The following TYW1B variants were observed in gnomAD, a reference collection of about 807,000 sequenced individuals.
TYW1B encodes tRNA-yW synthesizing protein 1 homolog B.
In TYW1B, 73 loss-of-function variants were observed where a neutral mutation model predicts 86.9. The ratio of observed to expected loss-of-function variants is 0.84; its 90% confidence interval spans 0.70 to 1.02. TYW1B has a LOEUF of 1.02. TYW1B is among the 50% of genes least tolerant of loss of function. The pLI is 0.00. For synonymous variants in TYW1B, 248 were observed against 292.8 expected, an observed-to-expected ratio of 0.85 and a Z score of 1.56; for missense variants, 637 against 827.4, an observed-to-expected ratio of 0.77 and a Z score of 2.82.
chr7:72,781,141 T>C (rs1208764711), intron 6 of TYW1B, among the ~76,000 whole-genome samples: 3 of 152,100 alleles, frequency 2.0e-5, no homozygotes, highest in African/African-American at 4.8e-5. Flanking sequence ...TCAGTTGCCA[T>C]GAACCCCCAG....
At chr7:72,721,099 T>C (rs1343060735) in intron 9 of TYW1B, among the ~76,000 whole-genome samples, 3 of 152,196 alleles carry the variant, frequency 2.0e-5, no homozygotes, top group Non-Finnish European at 2.9e-5. Flanking sequence ...TGTGGCTGCA[T>C]AGTATTCCAT....
intron 13 of TYW1B, among the ~76,000 whole-genome samples, chr7:72,585,490 G>C (rs1239536910): frequency 6.6e-6 from 1 of 152,164 alleles, no homozygotes; most frequent in East Asian, 1.9e-4. Context: ...CCTTTATTAA[G>C]AAACTGCTTG....
intron 13 of TYW1B, among the ~76,000 whole-genome samples, chr7:72,600,232 TCATCTTTGACAAAGGA>T (rs1554433462): frequency 1.3e-5 from 2 of 152,198 alleles, no homozygotes; most frequent in East Asian, 3.8e-4. Flanking sequence ...TACAGTCAAC[TCATCTTTGACAAAGGA>T]GCAAAGGTAA....
intron 9 of TYW1B, among the ~76,000 whole-genome samples, chr7:72,719,375 A>C (rs1278344170): frequency 6.6e-6 from 1 of 151,968 alleles, no homozygotes; most frequent in Non-Finnish European, 1.5e-5. Flanking sequence ...TCACGCCTGT[A>C]ATCTCAGCAC....
chr7:72,591,560 G>A (rs1390203557), intron 13 of TYW1B, among the ~76,000 whole-genome samples: 6 of 152,126 alleles, frequency 3.9e-5, no homozygotes, highest in African/African-American at 2.4e-5. Context: ...GAAAAAAAAT[G>A]TCAACCAGGA....
intron 9 of TYW1B, among the ~76,000 whole-genome samples, chr7:72,719,626 G>A (rs1382109809): frequency 1.1e-4 from 9 of 84,564 alleles, no homozygotes; most frequent in East Asian, 5.8e-4. Flanking sequence ...GTGAGATTCC[G>A]TCTCCAAAAA....
chr7:72,703,647 G>C (rs1554453128), intron 10 of TYW1B, among the ~76,000 whole-genome samples: 1 of 151,830 alleles, frequency 6.6e-6, no homozygotes, highest in African/African-American at 2.4e-5. Flanking sequence ...CTGAGGTCAG[G>C]AGTTCGAGAC....
chr7:72,798,568 T>C (rs1788350190), intron 6 of TYW1B, among the ~76,000 whole-genome samples: 1 of 152,164 alleles, frequency 6.6e-6, no homozygotes, highest in African/African-American at 2.4e-5. Flanking sequence ...CTATGTATGC[T>C]GCAATGCATA....
chr7:72,743,000 G>A lies in TYW1B; in HGVS notation c.1082+1484C>T, dbSNP rs557325526. ...AATGTCTAGTCTGGGCCATTAGATG[G>A]CTAATAGTGCCATTACCCAAAACAG... is the stretch of plus-strand genomic sequence containing the variant. On this transcript the variant is annotated intron_variant, in intron 8 of 13. Transcript: ENST00000620995. Among the ~76,000 whole-genome samples, 5 of 152,272 alleles carry A rather than the reference G, an allele frequency of 3.3e-5. No homozygotes were observed. In the East Asian group the frequency reaches 9.6e-4, roughly 29 times the overall value.
chr7:72,814,164 C>T (rs540863512), intron 3 of TYW1B, among the ~76,000 whole-genome samples: 1 of 152,242 alleles, frequency 6.6e-6, no homozygotes, highest in African/African-American at 2.4e-5. Context: ...TCAATAACAA[C>T]CCTTCCTTGA....
chr7:72,741,274 G>A (rs1397272211), intron 8 of TYW1B, among the ~76,000 whole-genome samples: 1 of 152,096 alleles, frequency 6.6e-6, no homozygotes, highest in East Asian at 1.9e-4. Context: ...TCAATGAAGA[G>A]ATACAAATGA....
At chr7:72,725,496 G>A (rs1204678407) in intron 9 of TYW1B, among the ~76,000 whole-genome samples, 2 of 152,130 alleles carry the variant, frequency 1.3e-5, no homozygotes, top group African/African-American at 4.8e-5. Flanking sequence ...ATCTGTGATG[G>A]TTAATTTTAT....
intron 7 of TYW1B, among the ~76,000 whole-genome samples, chr7:72,749,636 T>A (rs184575816): frequency 1.2e-3 from 177 of 152,258 alleles, no homozygotes; most frequent in Non-Finnish European, 2.2e-3. Flanking sequence ...ATTGATATTT[T>A]CAAAGAACTA....
intron 11 of TYW1B, among the ~76,000 whole-genome samples, chr7:72,651,984 C>T (rs1813069737): frequency 6.6e-6 from 1 of 151,730 alleles, no homozygotes; most frequent in Admixed American, 6.6e-5. Flanking sequence ...GTGGTGCAAT[C>T]ACAGCTCACT....
chr7:72,707,253 C>T (rs1187158969), intron 10 of TYW1B, among the ~76,000 whole-genome samples: 1 of 152,238 alleles, frequency 6.6e-6, no homozygotes, highest in Non-Finnish European at 1.5e-5. Flanking sequence ...TTGCCCCCAT[C>T]GCTGCTCTTT....
chr7:72,672,473 A>AACACACACACACATAC (rs1554237384), intron 11 of TYW1B, among the ~76,000 whole-genome samples: 3 of 140,782 alleles, frequency 2.1e-5, no homozygotes, highest in African/African-American at 8.1e-5. Flanking sequence ...TACACACACA[A>AACACACACACACATAC]ACACACACAC....
chr7:72,791,701 T>C (rs1339119561), intron 6 of TYW1B, among the ~76,000 whole-genome samples: 2 of 152,126 alleles, frequency 1.3e-5, no homozygotes, highest in African/African-American at 4.8e-5. Context: ...CGCTTGAACC[T>C]GGAAGGTGGA....
intron 1 of TYW1B, 69 bp downstream of exon 1, chr7:72,828,003 G>A: frequency 3.1e-6 from 5 of 1,603,444 alleles, no homozygotes; most frequent in South Asian, 1.1e-5. Flanking sequence ...CACTCCGCCC[G>A]GAGAGGGTCT....
intron 11 of TYW1B, among the ~76,000 whole-genome samples, chr7:72,629,333 T>C (rs1171437093): frequency 1.3e-5 from 2 of 152,170 alleles, no homozygotes; most frequent in African/African-American, 2.4e-5. Flanking sequence ...TGTTAGGCCA[T>C]AAAAAATTAA....
Sources: gnomAD v4.1 joint callset for allele counts (sites outside exome capture counted in the v4.1 genomes callset) on GRCh38, gnomAD v4.1.1 for gene constraint, MANE v1.5 for transcripts, NCBI Gene and HGNC (gene_info 2026-07-23, HGNC 2026-07-21) for gene names.